STAG1: variants seen among roughly 807,000 people sequenced by gnomAD.
STAG1 encodes the protein STAG1 cohesin complex component.
STAG1 carries 26 observed loss-of-function variants against 170.9 expected under a neutral mutation model. The observed-to-expected ratio is 0.15, with a 90% CI of 0.11 to 0.21. The LOEUF is 0.21. STAG1 is among the 10% of genes least tolerant of loss of function. STAG1 has a pLI of 1.00. For synonymous variants in STAG1, 514 were observed against 497.7 expected (o/e 1.03, Z -0.44); for missense variants, 964 against 1,509.5 (o/e 0.64, Z 5.99).
intron 13 of STAG1, among the ~76,000 whole-genome samples, chr3:136,453,068 C>A (rs2088992276): frequency 6.6e-6 from 1 of 152,124 alleles, no homozygotes; most frequent in South Asian, 2.1e-4. Flanking sequence ...TTCCTAAACA[C>A]TGATTTCACA....
At chr3:136,688,394 GTTTAA>G (rs1283620535) in intron 1 of STAG1, among the ~76,000 whole-genome samples, 1 of 151,924 alleles carries the variant, frequency 6.6e-6, no homozygotes, top group East Asian at 1.9e-4. Context: ...AGTACAAAAA[GTTTAA>G]TTTTTTTTTT....
At chr3:136,402,376 C>G (rs1352747665) in intron 21 of STAG1, among the ~76,000 whole-genome samples, 1 of 151,722 alleles carries the variant, frequency 6.6e-6, no homozygotes, top group East Asian at 2.0e-4. Flanking sequence ...TGCCACCACA[C>G]CCGGCTAATC....
At chr3:136,390,443 C>G (rs1447219626) in intron 22 of STAG1, among the ~76,000 whole-genome samples, 1 of 152,162 alleles carries the variant, frequency 6.6e-6, no homozygotes, top group Non-Finnish European at 1.5e-5. Context: ...CTGTATCTTT[C>G]TTCTCTAACT....
At chr3:136,682,653 A>G (rs1942377544) in intron 1 of STAG1, among the ~76,000 whole-genome samples, 1 of 152,118 alleles carries the variant, frequency 6.6e-6, no homozygotes, top group Non-Finnish European at 1.5e-5. Context: ...GAAAAGAAAT[A>G]AAATACCTCG....
chr3:136,667,130 A>G (rs1419284047), intron 1 of STAG1, among the ~76,000 whole-genome samples: 2 of 152,208 alleles, frequency 1.3e-5, no homozygotes, highest in East Asian at 1.9e-4. Context: ...AAGTATAAAC[A>G]TAAGCTTTAA....
chr3:136,396,742 G>A (rs949679361), intron 22 of STAG1, among the ~76,000 whole-genome samples: 5 of 150,696 alleles, frequency 3.3e-5, no homozygotes, highest in Admixed American at 6.7e-5. Flanking sequence ...TGGCCAGGCT[G>A]GTCTCGAACT....
intron 21 of STAG1, among the ~76,000 whole-genome samples, chr3:136,403,381 G>T (rs1272206179): frequency 6.6e-6 from 1 of 151,610 alleles, no homozygotes; most frequent in Non-Finnish European, 1.5e-5. Context: ...ATAATTAAAT[G>T]ATTGACTCAT....
At chr3:136,558,869 G>T (rs1936728160) in intron 5 of STAG1, among the ~76,000 whole-genome samples, 1 of 152,104 alleles carries the variant, frequency 6.6e-6, no homozygotes, top group Admixed American at 6.6e-5. Flanking sequence ...TTCAAGAATG[G>T]GAAATATAAA....
At chr3:136,372,128 G>A (rs1240370133) in intron 23 of STAG1, among the ~76,000 whole-genome samples, 1 of 152,072 alleles carries the variant, frequency 6.6e-6, no homozygotes, top group Non-Finnish European at 1.5e-5. Context: ...ATTGTGAATG[G>A]GAGTTCACTC....
At chr3:136,645,466 T>C (rs2107850602) in intron 1 of STAG1, among the ~76,000 whole-genome samples, 1 of 152,300 alleles carries the variant, frequency 6.6e-6, no homozygotes, top group African/African-American at 2.4e-5. Flanking sequence ...TTCACCTCCA[T>C]CACATCACTC....
At chr3:136,416,442 T>A (rs2087775109) in intron 21 of STAG1, among the ~76,000 whole-genome samples, 1 of 152,200 alleles carries the variant, frequency 6.6e-6, no homozygotes, top group African/African-American at 2.4e-5. Context: ...TGTGAAGCTG[T>A]CACAAGTCAG....
At chr3:136,584,266 C>G (rs181982421) in intron 4 of STAG1, among the ~76,000 whole-genome samples, 1 of 152,354 alleles carries the variant, frequency 6.6e-6, no homozygotes, top group East Asian at 1.9e-4. Context: ...GTAGTTCACA[C>G]AGTAAAATTC....
intron 22 of STAG1, among the ~76,000 whole-genome samples, chr3:136,381,045 A>G (rs962764960): frequency 6.6e-6 from 1 of 151,754 alleles, no homozygotes; most frequent in South Asian, 2.1e-4. Context: ...AAGAAAAAAA[A>G]AAAAAAAGAA....
At chr3:136,613,534 T>C (rs1157656843) in intron 3 of STAG1, among the ~76,000 whole-genome samples, 2 of 152,114 alleles carry the variant, frequency 1.3e-5, no homozygotes, top group Admixed American at 1.3e-4. Flanking sequence ...TCACCCAGAC[T>C]AGAATGTAAT....
chr3:136,418,004 C>T lies in STAG1; in HGVS notation c.2109-32G>A. ...TAAACAAAAATGCATCTGTTTTATT[C>T]TAGAATGGAAGGAAATTTAAATTTG... On this transcript the variant is annotated intron_variant, in intron 20 of 33. Transcript: ENST00000383202. 2.6e-6 allele frequency: 4 copies of T among 1,516,136 alleles called. No individual in the cohort carries two copies. The East Asian group carries it at 9.0e-5, about 34-fold the overall frequency. The allele number at this position is 1,516,136 out of a possible 1,614,324, so 93.9% of individuals were successfully genotyped here. A position where few individuals can be genotyped will look rare whatever the true frequency, so the allele number is the denominator to read the frequency against.
intron 1 of STAG1, among the ~76,000 whole-genome samples, chr3:136,738,948 A>G (rs572867297): frequency 9.2e-5 from 14 of 152,346 alleles, no homozygotes; most frequent in African/African-American, 3.4e-4. Context: ...AATAAAAAAA[A>G]GACTCTAAAC....
At chr3:136,423,296 T>C (rs1213717344) in intron 16 of STAG1, among the ~76,000 whole-genome samples, 2 of 152,160 alleles carry the variant, frequency 1.3e-5, no homozygotes, top group East Asian at 1.9e-4. Context: ...AATAAAACCA[T>C]AGTTACCATT....
At chr3:136,737,118 T>C (rs1310603973) in intron 1 of STAG1, 1 of 842,150 alleles carries the variant, frequency 1.2e-6, no homozygotes, top group Non-Finnish European at 2.1e-6. Context: ...TTCAATCTGA[T>C]TTTTTCACGT....
At chr3:136,572,273 GAACTGAAA>G (rs1207463279) in intron 4 of STAG1, among the ~76,000 whole-genome samples, 2 of 151,532 alleles carry the variant, frequency 1.3e-5, no homozygotes, top group African/African-American at 4.8e-5. Flanking sequence ...TACTACGAAG[GAACTGAAA>G]AACAATCAGA....
Sources: gnomAD v4.1 joint callset for allele counts (sites outside exome capture counted in the v4.1 genomes callset) on GRCh38, gnomAD v4.1.1 for gene constraint, MANE v1.5 for transcripts, NCBI Gene and HGNC (gene_info 2026-07-23, HGNC 2026-07-21) for gene names.